The following GALNT17 variants were observed in gnomAD, a reference collection of about 807,000 sequenced individuals.
GALNT17 encodes the protein UDP-GalNAc:polypeptide N-acetylgalactosaminyltransferase-like 3.
In GALNT17, 29 loss-of-function variants were observed where a neutral mutation model predicts 63.7. The ratio of observed to expected loss-of-function variants is 0.46; its 90% CI spans 0.34 to 0.62. The LOEUF (loss-of-function observed/expected upper bound fraction) is 0.62, where lower values mean the gene tolerates loss of function less well. Ranked by LOEUF, GALNT17 falls within the 20% of genes least tolerant of loss-of-function variation. The pLI is 0.01. For synonymous variants in GALNT17, 305 were observed against 318.3 expected, an observed-to-expected ratio of 0.96 and a Z score of 0.45; for missense variants, 603 against 799.6, an observed-to-expected ratio of 0.75 and a Z score of 2.97.
intron 1 of GALNT17, among the ~76,000 whole-genome samples, chr7:71,217,814 G>T (rs1382934451): frequency 6.6e-6 from 1 of 152,036 alleles, no homozygotes; most frequent in African/African-American, 2.4e-5. Context: ...TGTAGTCCCA[G>T]CTACTCGGGA....
At chr7:71,642,850 C>A (rs1336217854) in intron 6 of GALNT17, among the ~76,000 whole-genome samples, 2 of 151,700 alleles carry the variant, frequency 1.3e-5, no homozygotes, top group African/African-American at 2.4e-5. Context: ...AAAAAATGAA[C>A]CTCTTCTAGA....
rs565387756 is a variant in GALNT17, at chr7:71,253,326, G to A, written c.239-82224G>A. ...GAGAGAATAAGAGCCAATTAGAAGGGGAAACCCCTTATAAAACCATCAGAT... is the reference window on the plus strand; with the variant it reads ...GAGAGAATAAGAGCCAATTAGAAGGAGAAACCCCTTATAAAACCATCAGAT... On this transcript the variant is annotated intron_variant, in intron 1 of 10. Coordinates refer to ENST00000333538, the MANE Select transcript of GALNT17 (RefSeq NM_022479.3). Among the ~76,000 whole-genome samples, 3 of 152,144 alleles carry A rather than the reference G, an allele frequency of 2.0e-5. No homozygotes were observed. In the South Asian group the frequency reaches 6.2e-4, roughly 32 times the overall value.
chr7:71,270,912 T>C (rs1790575859), intron 1 of GALNT17, among the ~76,000 whole-genome samples: 1 of 150,468 alleles, frequency 6.6e-6, no homozygotes, highest in African/African-American at 2.4e-5. Flanking sequence ...AGTTTTGTCC[T>C]CATCTTATCT....
At chr7:71,683,111 G>C (rs1304826609) in intron 9 of GALNT17, among the ~76,000 whole-genome samples, 3 of 152,230 alleles carry the variant, frequency 2.0e-5, no homozygotes, top group Admixed American at 1.3e-4. Flanking sequence ...ATTTAGAACG[G>C]CAAACCGGAT....
chr7:71,563,036 T>C (rs1789281546), intron 5 of GALNT17, among the ~76,000 whole-genome samples: 1 of 152,224 alleles, frequency 6.6e-6, no homozygotes, highest in Non-Finnish European at 1.5e-5. Flanking sequence ...TCACTGTCTA[T>C]TCCTTTTCTG....
At chr7:71,478,077 G>T (rs75508981) in intron 5 of GALNT17, among the ~76,000 whole-genome samples, 2 of 152,064 alleles carry the variant, frequency 1.3e-5, no homozygotes, top group Admixed American at 6.6e-5. Context: ...TCCCATCTCC[G>T]ATATATATTC....
At chr7:71,501,801 C>G (rs1257775696) in intron 5 of GALNT17, among the ~76,000 whole-genome samples, 2 of 152,158 alleles carry the variant, frequency 1.3e-5, no homozygotes, top group Admixed American at 1.3e-4. Flanking sequence ...CCTTCCTTCT[C>G]CCTCTTTCTC....
At chr7:71,476,725 C>G (rs1209595503) in intron 5 of GALNT17, among the ~76,000 whole-genome samples, 1 of 152,136 alleles carries the variant, frequency 6.6e-6, no homozygotes. Flanking sequence ...AGGACTGCCA[C>G]TAAAGATCTT....
rs1309619506 is a variant in GALNT17 at position 71,677,271 on chromosome 7, G to A, written c.1465G>A (p.Ala489Thr). ...LDQGPLENHTAILYPCHGWGP... is the reference protein window; with the variant it reads ...LDQGPLENHTTILYPCHGWGP... Reference sequence around the variant, plus strand: ...CCAGGGGCCGCTGGAGAACCACACAGCAATATTGTATCCGTGCCATGGCTG... The same window carrying A: ...CCAGGGGCCGCTGGAGAACCACACAACAATATTGTATCCGTGCCATGGCTG... Residue 489 changes from alanine to threonine, a missense_variant, in exon 9 of 11, where the codon GCA becomes ACA. Transcript: ENST00000333538. The A allele has an allele frequency of 6.2e-7, 1 of 1,614,016 alleles. No homozygotes were observed. The highest frequency in any genetic ancestry group is 8.5e-7 in the Non-Finnish European group (1 of 1,179,968).
intron 1 of GALNT17, among the ~76,000 whole-genome samples, chr7:71,139,815 A>T (rs1293295545): frequency 2.0e-5 from 3 of 152,176 alleles, no homozygotes; most frequent in African/African-American, 7.2e-5. Flanking sequence ...CAACATGGTG[A>T]AACCCCGTCT....
In GALNT17 at chr7:71,674,349, TAAA is replaced by T. The variant is rs398005156; in HGVS notation, c.1405-2850_1405-2848del. ...CAATTTTTAAATAGCTCTTCCTTTT[TAAA>T]AAAAAAAAAAAGAGATAGGGTCTTG... On this transcript the variant is annotated intron_variant, in intron 8 of 10. Coordinates refer to ENST00000333538, the MANE Select transcript of GALNT17 (RefSeq NM_022479.3). Among the ~76,000 whole-genome samples, 305 of 148,956 alleles carry T rather than the reference TAAA, an allele frequency of 2.0e-3. 3 individuals are homozygous for T. The East Asian group carries it at 0.036, about 18-fold the overall frequency.
chr7:71,424,530 A>AG (rs1786723586), intron 5 of GALNT17, among the ~76,000 whole-genome samples: 1 of 152,254 alleles, frequency 6.6e-6, no homozygotes, highest in Admixed American at 6.5e-5. Flanking sequence ...CAGATGATTA[A>AG]TATGCACTTT....
chr7:71,296,196 G>T (rs1583838222), intron 1 of GALNT17, among the ~76,000 whole-genome samples: 1 of 152,076 alleles, frequency 6.6e-6, no homozygotes, highest in Non-Finnish European at 1.5e-5. Flanking sequence ...AGCAGTTCTT[G>T]ATCCTATCTA....
chr7:71,689,020 ATC>A (rs1359708590), intron 9 of GALNT17, among the ~76,000 whole-genome samples: 1 of 152,080 alleles, frequency 6.6e-6, no homozygotes, highest in Non-Finnish European at 1.5e-5. Flanking sequence ...TTAGTATTGT[ATC>A]TGTTATGGTG....
Position 71,502,398 on chromosome 7 carries a change from T to C in GALNT17, c.963-68887T>C, listed in dbSNP as rs570799173. Among the ~76,000 whole-genome samples, 44 of 152,358 alleles carry C rather than the reference T, an allele frequency of 2.9e-4. 1 individual carries two copies. The highest frequency in any genetic ancestry group is 2.7e-3 in the South Asian group (13 of 4,824). ...AATGGAATATGGTGGAATGAGGTGG[T>C]TGCTGCCTGACCTTCTGGGTTTAGG... On this transcript the variant is annotated intron_variant, in intron 5 of 10. Transcript: ENST00000333538.
At chr7:71,182,725 G>T (rs1367495768) in intron 1 of GALNT17, among the ~76,000 whole-genome samples, 1 of 152,070 alleles carries the variant, frequency 6.6e-6, no homozygotes, top group Non-Finnish European at 1.5e-5. Flanking sequence ...GTCCTGGGGA[G>T]GGCAGAGCTG....
At chr7:71,505,779 G>A (rs1226646885) in intron 5 of GALNT17, among the ~76,000 whole-genome samples, 1 of 152,178 alleles carries the variant, frequency 6.6e-6, no homozygotes, top group Non-Finnish European at 1.5e-5. Context: ...CCCTTGGCAG[G>A]CTCTTTATAA....
At chr7:71,692,076 A>G (rs1271811835) in intron 9 of GALNT17, among the ~76,000 whole-genome samples, 1 of 151,858 alleles carries the variant, frequency 6.6e-6, no homozygotes, top group Admixed American at 6.6e-5. Context: ...ATGCTTGGCT[A>G]ATTTTTAAGT....
At chr7:71,216,435 G>A (rs573637666) in intron 1 of GALNT17, among the ~76,000 whole-genome samples, 1 of 152,264 alleles carries the variant, frequency 6.6e-6, no homozygotes, top group Non-Finnish European at 1.5e-5. Flanking sequence ...AACCCCTGAT[G>A]TGGTGACTCA....
Sources: allele counts gnomAD v4.1 joint callset (sites outside exome capture counted in the v4.1 genomes callset), GRCh38; gene constraint gnomAD v4.1.1; transcripts MANE v1.5; gene names NCBI Gene and HGNC (gene_info 2026-07-23, HGNC 2026-07-21).